Variants in CSMD3 observed in about 807,000 individuals in gnomAD.
The protein encoded by CSMD3 is CUB and Sushi multiple domains 3.
A neutral mutation model predicts 435.2 loss-of-function variants in CSMD3; 177 were observed. That is an observed-to-expected ratio of 0.41 (90% CI 0.36 to 0.46). CSMD3 has a LOEUF of 0.46. Ranked by LOEUF, CSMD3 falls within the 20% of genes least tolerant of loss-of-function variation. The pLI is 0.34. For missense variants in CSMD3, 4,265 were observed against 4,504.6 expected (o/e 0.95, Z 1.52); for synonymous variants, 1,656 against 1,520.5 (o/e 1.09, Z -2.07).
At chr8:112,784,511 C>T (rs2078485869) in intron 13 of CSMD3, among the ~76,000 whole-genome samples, 1 of 151,466 alleles carries the variant, frequency 6.6e-6, no homozygotes, top group African/African-American at 2.4e-5. Context: ...GCAAAATAAA[C>T]AAACCTTATG....
chr8:112,904,909 T>C (rs1470586650), intron 10 of CSMD3, among the ~76,000 whole-genome samples: 5 of 151,442 alleles, frequency 3.3e-5, no homozygotes, highest in Non-Finnish European at 7.4e-5. Flanking sequence ...TGATGTAATT[T>C]GTTCTGCAAG....
intron 12 of CSMD3, among the ~76,000 whole-genome samples, chr8:112,814,382 G>A (rs1399132740): frequency 6.6e-6 from 1 of 152,084 alleles, no homozygotes; most frequent in Non-Finnish European, 1.5e-5. Flanking sequence ...AAAATAACAG[G>A]GAGGGAAACA....
chr8:112,648,749 G>A (rs1202781877), intron 19 of CSMD3, among the ~76,000 whole-genome samples: 5 of 152,056 alleles, frequency 3.3e-5, no homozygotes, highest in Admixed American at 1.3e-4. Flanking sequence ...TTATAATATT[G>A]CCTCCATACC....
At chr8:112,401,688 T>C (rs773604560) in intron 35 of CSMD3, among the ~76,000 whole-genome samples, 2 of 152,180 alleles carry the variant, frequency 1.3e-5, no homozygotes, top group African/African-American at 2.4e-5. Flanking sequence ...TTCACTGTCC[T>C]CCTAAATGGT....
chr8:113,338,636 A>G (rs2094095053), intron 1 of CSMD3, among the ~76,000 whole-genome samples: 1 of 152,044 alleles, frequency 6.6e-6, no homozygotes. Context: ...TAAGATATAT[A>G]GTGAATGGTT....
intron 11 of CSMD3, among the ~76,000 whole-genome samples, chr8:112,831,769 T>C (rs2079883184): frequency 6.6e-6 from 1 of 152,114 alleles, no homozygotes; most frequent in Non-Finnish European, 1.5e-5. Context: ...TTGAAAACAA[T>C]AATATTTGTA....
At chr8:112,690,181 C>CTT (rs201248925) in intron 13 of CSMD3, 131 bp from the exon 14 acceptor site, 37 of 531,062 alleles carry the variant, frequency 7.0e-5, no homozygotes, top group Non-Finnish European at 7.5e-5. Flanking sequence ...ATTCTCCAAT[C>CTT]TTTTTTTTTT....
intron 13 of CSMD3, among the ~76,000 whole-genome samples, chr8:112,793,136 T>C (rs981303221): frequency 4.7e-5 from 7 of 147,798 alleles, no homozygotes; most frequent in Non-Finnish European, 8.9e-5. Context: ...TATATTAATT[T>C]AATATATTAC....
At chr8:112,534,344 C>T (rs531412007) in intron 27 of CSMD3, among the ~76,000 whole-genome samples, 14 of 152,242 alleles carry the variant, frequency 9.2e-5, no homozygotes, top group Non-Finnish European at 1.6e-4. Context: ...AAGGGGATAT[C>T]ACCACCAATC....
chr8:112,616,653 G>A lies in CSMD3; in HGVS notation c.3715+20164C>T, dbSNP rs576184523. On this transcript the variant is annotated intron_variant, in intron 22 of 70. Transcript: ENST00000297405. ...ATGGATTCAGACAGTTTATTACACA[G>A]ACAGGAAACACAAGATCAGCGTAAT... Among the ~76,000 whole-genome samples the A allele has an allele frequency of 3.3e-5, 5 of 152,144 alleles. No homozygotes were observed. In the South Asian group the frequency reaches 8.3e-4, roughly 25 times the overall value.
chr8:112,879,219 C>T (rs2081378344), intron 10 of CSMD3, among the ~76,000 whole-genome samples: 1 of 152,070 alleles, frequency 6.6e-6, no homozygotes, highest in African/African-American at 2.4e-5. Flanking sequence ...AATACATTCC[C>T]AGGAGGAAGC....
chr8:113,104,779 T>C (rs2090427036), intron 4 of CSMD3, among the ~76,000 whole-genome samples: 1 of 152,070 alleles, frequency 6.6e-6, no homozygotes, highest in South Asian at 2.1e-4. Context: ...ATGAAAAACA[T>C]GTATAACAGA....
chr8:112,836,079 T>C (rs2132508631), intron 11 of CSMD3, among the ~76,000 whole-genome samples: 1 of 151,964 alleles, frequency 6.6e-6, no homozygotes, highest in South Asian at 2.1e-4. Flanking sequence ...CTTTAGACAA[T>C]GAGGAACTAC....
intron 58 of CSMD3, among the ~76,000 whole-genome samples, chr8:112,284,561 G>A (rs376494748): frequency 2.1e-4 from 30 of 141,402 alleles, no homozygotes; most frequent in East Asian, 1.7e-3. Context: ...GGCCTATATC[G>A]TAATATTTTA....
At chr8:112,555,083 C>T (rs1828000325) in intron 25 of CSMD3, among the ~76,000 whole-genome samples, 1 of 151,892 alleles carries the variant, frequency 6.6e-6, no homozygotes, top group Admixed American at 6.6e-5. Flanking sequence ...TTTATTTGAT[C>T]ATCCATCATT....
At chr8:112,399,479 A>G (rs1356580524) in intron 35 of CSMD3, among the ~76,000 whole-genome samples, 2 of 151,978 alleles carry the variant, frequency 1.3e-5, no homozygotes, top group Non-Finnish European at 2.9e-5. Context: ...CTGGCTTCGA[A>G]CTCCTGACCT....
chr8:112,646,362 G>A (rs2074979319), intron 19 of CSMD3, among the ~76,000 whole-genome samples: 1 of 152,110 alleles, frequency 6.6e-6, no homozygotes, highest in African/African-American at 2.4e-5. Flanking sequence ...GCACATTTAT[G>A]TGTGTTTGTA....
At chr8:112,383,220 C>CAAAGCACAGTCTAATTTTTA (rs1829634484) in intron 37 of CSMD3, among the ~76,000 whole-genome samples, 3 of 152,074 alleles carry the variant, frequency 2.0e-5, no homozygotes, top group Admixed American at 2.0e-4. Flanking sequence ...GCACACAATT[C>CAAAGCACAGTCTAATTTTTA]AAAGCACAGT....
chr8:112,563,806 T>G (rs1026573214), intron 24 of CSMD3, among the ~76,000 whole-genome samples: 1 of 152,054 alleles, frequency 6.6e-6, no homozygotes, highest in Non-Finnish European at 1.5e-5. Flanking sequence ...CTTTCTAACT[T>G]GTATTTACTC....
Sources: gnomAD v4.1 joint callset for allele counts (sites outside exome capture counted in the v4.1 genomes callset) on GRCh38, gnomAD v4.1.1 for gene constraint, MANE v1.5 for transcripts, NCBI Gene and HGNC (gene_info 2026-07-23, HGNC 2026-07-21) for gene names.